Variants in IGSF21 observed in about 807,000 individuals in gnomAD.
The protein encoded by IGSF21 is immunoglobulin superfamily member 21.
A neutral mutation model predicts 46.8 loss-of-function variants in IGSF21; 28 were observed. The ratio of observed to expected loss-of-function variants is 0.60; its 90% CI spans 0.44 to 0.82. The LOEUF (loss-of-function observed/expected upper bound fraction) is 0.82. Ranked by LOEUF, IGSF21 falls within the 40% of genes least tolerant of loss-of-function variation. The probability of loss-of-function intolerance (pLI) is 0.00; values close to 1 mark genes in which losing one functional copy is unlikely to be tolerated. For synonymous variants in IGSF21, 284 were observed against 273.6 expected, an observed-to-expected ratio of 1.04 and a Z score of -0.38; for missense variants, 624 against 665.5, an observed-to-expected ratio of 0.94 and a Z score of 0.69.
At position 18,320,501 on chromosome 1, in the gene IGSF21, G is replaced by A. The variant is rs567028796; in HGVS notation, c.306-14391G>A. On this transcript the variant is annotated intron_variant, in intron 3 of 9. Coordinates refer to ENST00000251296, the MANE Select transcript of IGSF21 (RefSeq NM_032880.5). ...TTTAGCTCCGCTTTGATGAAGCGGC[G>A]GGAGTCAGGTTTGGCCCCGGGTCAT... Among the ~76,000 whole-genome samples, 11 of 152,302 alleles carry A rather than the reference G, an allele frequency of 7.2e-5. No individual in the cohort carries two copies. In the East Asian group the frequency reaches 1.7e-3, roughly 24 times the overall value.
intron 2 of IGSF21, among the ~76,000 whole-genome samples, chr1:18,258,407 C>T (rs2084911335): frequency 6.6e-6 from 1 of 152,220 alleles, no homozygotes; most frequent in Non-Finnish European, 1.5e-5. Context: ...TTTGGGGCTC[C>T]AGCAACCTTG....
Position 18,108,092 on chromosome 1 carries a change from C to T in IGSF21, c.-37C>T. 1.8e-6 allele frequency: 2 copies of T among 1,100,998 alleles called. No individual in the cohort carries two copies. The highest frequency in any genetic ancestry group is 1.2e-6 in the Non-Finnish European group (1 of 816,442). 68.2% of individuals were successfully genotyped at this position (1,100,998 alleles called of 1,614,324 possible). ...GGGACCCGCCGCCACCGCCTCCACC[C>T]CCGCCGCCCCGCCACCGCCGCCAGC... On this transcript the variant is annotated 5_prime_UTR_variant, in exon 1 of 10. Coordinates refer to ENST00000251296, the MANE Select transcript of IGSF21 (RefSeq NM_032880.5).
intron 1 of IGSF21, among the ~76,000 whole-genome samples, chr1:18,153,493 CT>C (rs2086539633): frequency 6.6e-6 from 1 of 152,208 alleles, no homozygotes; most frequent in Admixed American, 6.5e-5. Flanking sequence ...AACCCAGTGA[CT>C]TGGCTCAATA....
chr1:18,204,255 C>T (rs994500553), intron 1 of IGSF21, among the ~76,000 whole-genome samples: 3 of 152,200 alleles, frequency 2.0e-5, no homozygotes, highest in African/African-American at 7.2e-5. Context: ...ACGATGCAGT[C>T]ATTTGCCCAA....
At chr1:18,330,611 G>A (rs12045664) in intron 3 of IGSF21, among the ~76,000 whole-genome samples, 4 of 39,084 alleles carry the variant, frequency 1.0e-4, no homozygotes, top group African/African-American at 5.6e-4. Flanking sequence ...AGGGGCAGGG[G>A]CGTGGGAGAA....
At chr1:18,121,200 T>G (rs12735658) in intron 1 of IGSF21, among the ~76,000 whole-genome samples, 4 of 152,146 alleles carry the variant, frequency 2.6e-5, no homozygotes, top group Admixed American at 1.3e-4. Flanking sequence ...GAAGATACTC[T>G]TGAGTAACTT....
At chr1:18,247,455 G>C (rs1557605743) in intron 2 of IGSF21, among the ~76,000 whole-genome samples, 1 of 152,136 alleles carries the variant, frequency 6.6e-6, no homozygotes, top group African/African-American at 2.4e-5. Context: ...TTGAGTGTGA[G>C]CTTCTGGAGC....
In IGSF21 at chr1:18,158,166, C is replaced by T. The variant is rs141412441; in HGVS notation, c.70+49968C>T. On this transcript the variant is annotated intron_variant, in intron 1 of 9. Transcript: ENST00000251296. The stretch of plus-strand genomic sequence containing the variant: ...GTCTGAAGTCCTTCAGGATCTCACA[C>T]ACCTGCCCTGTCATTCCATCCCCCG... Among the ~76,000 whole-genome samples, 298 of 152,250 alleles carry T rather than the reference C, an allele frequency of 2.0e-3. 1 individual carries two copies. The highest frequency in any genetic ancestry group is 6.5e-3 in the African/African-American group (268 of 41,544).
At chr1:18,146,965 A>T (rs2086475832) in intron 1 of IGSF21, among the ~76,000 whole-genome samples, 1 of 152,184 alleles carries the variant, frequency 6.6e-6, no homozygotes, top group Non-Finnish European at 1.5e-5. Flanking sequence ...GGTCACCCTG[A>T]TTCCTTGTCT....
At chr1:18,372,417 A>T (rs1391125313) in intron 6 of IGSF21, among the ~76,000 whole-genome samples, 1 of 152,230 alleles carries the variant, frequency 6.6e-6, no homozygotes, top group Non-Finnish European at 1.5e-5. Flanking sequence ...GAAGAAATGG[A>T]TGGGTAAGCA....
intron 1 of IGSF21, among the ~76,000 whole-genome samples, chr1:18,139,561 G>A (rs61766495): frequency 0.011 from 1,697 of 152,330 alleles, 18 homozygotes; most frequent in Middle Eastern, 0.024. Flanking sequence ...GTCAGGTCAG[G>A]AATGGACCAC....
rs368924241 is a variant in IGSF21 at position 18,227,998 on chromosome 1, C to A, written c.171C>A (p.Ile57=). ...NFKTDGRMRE[I]VWYRVTDGGT... ...AGACAGATGGGCGCATGCGGGAGAT[C>A]GTGTGGTACCGGGTAAGTCACTACT... Residue 57 remains isoleucine, a synonymous_variant, in exon 2 of 10, where the codon ATC becomes ATA. Coordinates refer to ENST00000251296, the MANE Select transcript of IGSF21 (RefSeq NM_032880.5). The A allele has an allele frequency of 6.2e-6, 10 of 1,613,272 alleles. No individual in the cohort carries two copies. In the Admixed American group the frequency reaches 1.0e-4, roughly 16 times the overall value.
chr1:18,323,716 G>C (rs1168676904), intron 3 of IGSF21, among the ~76,000 whole-genome samples: 1 of 152,098 alleles, frequency 6.6e-6, no homozygotes, highest in Non-Finnish European at 1.5e-5. Flanking sequence ...TCTCCCCTCT[G>C]TGCCTACTTT....
rs548378366 is a variant in IGSF21 at position 18,201,465 on chromosome 1, G to A, written c.71-26433G>A. 3.3e-5 allele frequency among the ~76,000 whole-genome samples: 5 copies of A among 152,286 alleles called. No individual in the cohort carries two copies. In the East Asian group the frequency reaches 9.7e-4, roughly 29 times the overall value. ...ACCACGGAGGGACACAACGAGCACTGGAATTTCAAGGAGCTGTGGAAGTCT... is the reference window on the plus strand; with the variant it reads ...ACCACGGAGGGACACAACGAGCACTAGAATTTCAAGGAGCTGTGGAAGTCT... On this transcript the variant is annotated intron_variant, in intron 1 of 9. Transcript: ENST00000251296.
intron 1 of IGSF21, among the ~76,000 whole-genome samples, chr1:18,220,548 G>A (rs1026603714): frequency 5.7e-4 from 86 of 152,150 alleles, no homozygotes; most frequent in African/African-American, 2.0e-3. Context: ...TGCTGTTCTA[G>A]GCACCTGGGG....
At chr1:18,333,726 G>A (rs2085737620) in intron 3 of IGSF21, among the ~76,000 whole-genome samples, 1 of 152,166 alleles carries the variant, frequency 6.6e-6, no homozygotes. Context: ...TCCATGGGGA[G>A]ACAGAGCAAC....
At chr1:18,153,646 A>G (rs949195016) in intron 1 of IGSF21, among the ~76,000 whole-genome samples, 1 of 151,700 alleles carries the variant, frequency 6.6e-6, no homozygotes, top group African/African-American at 2.4e-5. Context: ...GATGATCTCT[A>G]CTTCGCAAAT....
chr1:18,377,268 G>A, intron 8 of IGSF21, 125 bp from the exon 9 acceptor site: 1 of 932,440 alleles, frequency 1.1e-6, no homozygotes, highest in Non-Finnish European at 1.8e-6. Context: ...TCCCCTGAAG[G>A]TTGTGTGGCT....
At chr1:18,305,948 T>C (rs1254520002) in intron 3 of IGSF21, among the ~76,000 whole-genome samples, 1 of 152,228 alleles carries the variant, frequency 6.6e-6, no homozygotes, top group South Asian at 2.1e-4. Flanking sequence ...GCCTTCCTCA[T>C]GTCCAGCTAA....
Sources: allele counts gnomAD v4.1 joint callset (sites outside exome capture counted in the v4.1 genomes callset), GRCh38; gene constraint gnomAD v4.1.1; transcripts MANE v1.5; gene names NCBI Gene and HGNC (gene_info 2026-07-23, HGNC 2026-07-21).